The following TAFA5 variants were observed in gnomAD, a reference collection of about 807,000 sequenced individuals.
TAFA5 encodes the protein TAFA chemokine like family member 5.
A neutral mutation model predicts 15.3 loss-of-function variants in TAFA5; 6 were observed. The observed-to-expected ratio is 0.39, with a 90% CI of 0.21 to 0.77. The LOEUF (loss-of-function observed/expected upper bound fraction) is 0.77. Among genes scored for constraint, TAFA5 ranks in the 30% least tolerant of loss-of-function variants. The probability of loss-of-function intolerance (pLI) is 0.41; values close to 1 mark genes in which losing one functional copy is unlikely to be tolerated. For synonymous variants in TAFA5, 103 were observed against 80.7 expected (o/e 1.28, Z -1.48); for missense variants, 161 against 193.1 (o/e 0.83, Z 0.98).
At chr22:48,681,075 C>G (rs1369812368) in intron 2 of TAFA5, among the ~76,000 whole-genome samples, 2 of 152,230 alleles carry the variant, frequency 1.3e-5, no homozygotes, top group Non-Finnish European at 2.9e-5. Context: ...GTGGATTGCT[C>G]AGAATATTAG....
chr22:48,583,898 A>G, intron 1 of TAFA5, among the ~76,000 whole-genome samples: 1 of 150,302 alleles, frequency 6.7e-6, no homozygotes, highest in Non-Finnish European at 1.5e-5. Context: ...GCCACACACC[A>G]CACAAAATAA....
intron 3 of TAFA5, among the ~76,000 whole-genome samples, chr22:48,728,971 A>G (rs1411163368): frequency 6.6e-6 from 1 of 152,184 alleles, no homozygotes; most frequent in African/African-American, 2.4e-5. Flanking sequence ...GTTGTAGAGC[A>G]AAGGAAAAAT....
chr22:48,703,900 G>T (rs978385766), intron 2 of TAFA5, among the ~76,000 whole-genome samples: 3 of 152,256 alleles, frequency 2.0e-5, no homozygotes, highest in African/African-American at 7.2e-5. Flanking sequence ...ACTGGCCCGG[G>T]CAGATGCAGA....
chr22:48,660,879 G>A (rs1927414528), intron 2 of TAFA5, among the ~76,000 whole-genome samples: 1 of 152,126 alleles, frequency 6.6e-6, no homozygotes, highest in Non-Finnish European at 1.5e-5. Flanking sequence ...GGAGCACCCC[G>A]ATCCGTGCCT....
chr22:48,629,080 G>A (rs946361744), intron 1 of TAFA5, among the ~76,000 whole-genome samples: 8 of 152,136 alleles, frequency 5.3e-5, no homozygotes, highest in African/African-American at 1.2e-4. Flanking sequence ...CCCTGCCGGC[G>A]GCCTCCTGAA....
At chr22:48,687,869 G>A (rs918396393) in intron 2 of TAFA5, among the ~76,000 whole-genome samples, 4 of 152,114 alleles carry the variant, frequency 2.6e-5, no homozygotes, top group African/African-American at 9.7e-5. Context: ...TTAGCGCCTG[G>A]GACCTCCTGG....
In TAFA5 at chr22:48,526,055, C is replaced by G. The variant is rs535488283; in HGVS notation, c.112+36351C>G. On this transcript the variant is annotated intron_variant, in intron 1 of 3. Coordinates refer to ENST00000402357, the MANE Select transcript of TAFA5 (RefSeq NM_001082967.3). The stretch of plus-strand genomic sequence containing the variant: ...AGGTTTCACGGATCTCTGCACTCAT[C>G]CTTTCCTGGGTGGTCTCAGTCACTG... Among the ~76,000 whole-genome samples, 7 of 152,376 alleles carry G rather than the reference C, an allele frequency of 4.6e-5. No homozygotes were observed. In the East Asian group the frequency reaches 1.4e-3, roughly 29 times the overall value.
chr22:48,558,025 G>A (rs1256029189), intron 1 of TAFA5, among the ~76,000 whole-genome samples: 1 of 152,178 alleles, frequency 6.6e-6, no homozygotes, highest in Non-Finnish European at 1.5e-5. Flanking sequence ...TGAGGGGGGA[G>A]TGGTCTTGTT....
chr22:48,626,213 G>A (rs1012571177), intron 1 of TAFA5, among the ~76,000 whole-genome samples: 2 of 152,194 alleles, frequency 1.3e-5, no homozygotes, highest in African/African-American at 2.4e-5. Flanking sequence ...AAGTACCTAG[G>A]AGTGTGATTT....
chr22:48,684,175 G>A lies in TAFA5; in HGVS notation c.263-23542G>A, dbSNP rs16999712. Among the ~76,000 whole-genome samples the A allele has an allele frequency of 5.7e-3, 866 of 152,204 alleles. 7 individuals are homozygous for A. The highest frequency in any genetic ancestry group is 0.019 in the African/African-American group (790 of 41,500). On this transcript the variant is annotated intron_variant, in intron 2 of 3. Coordinates refer to ENST00000402357, the MANE Select transcript of TAFA5 (RefSeq NM_001082967.3). ...GTATTTTCTTGGGAGGGGAGTGAGC[G>A]TTCGGAAGCAGAAGTGCGTGGGGAT...
At chr22:48,511,086 A>G (rs776485300) in intron 1 of TAFA5, among the ~76,000 whole-genome samples, 10 of 152,220 alleles carry the variant, frequency 6.6e-5, no homozygotes, top group Non-Finnish European at 1.2e-4. Context: ...AGGACATTGC[A>G]TGACCCAGAA....
chr22:48,576,273 C>A, intron 1 of TAFA5: 2 of 824,924 alleles, frequency 2.4e-6, no homozygotes, highest in African/African-American at 1.8e-5. Flanking sequence ...CGGCGCCCCC[C>A]TCCCCCCGCC....
At chr22:48,729,636 T>C (rs1377604416) in intron 3 of TAFA5, among the ~76,000 whole-genome samples, 2 of 147,400 alleles carry the variant, frequency 1.4e-5, no homozygotes, top group Admixed American at 6.8e-5. Context: ...AAATTTTGTT[T>C]ATGTAATTTT....
chr22:48,588,235 C>T (rs868739077), intron 1 of TAFA5, among the ~76,000 whole-genome samples: 21 of 152,288 alleles, frequency 1.4e-4, no homozygotes, highest in Admixed American at 8.5e-4. Flanking sequence ...TGGCCATGAC[C>T]GCAGTGACTG....
At chr22:48,709,506 C>A (rs924301057) in intron 3 of TAFA5, among the ~76,000 whole-genome samples, 1 of 152,184 alleles carries the variant, frequency 6.6e-6, no homozygotes, top group Non-Finnish European at 1.5e-5. Flanking sequence ...CGCAGCCTTT[C>A]GTTTCCCTCA....
In TAFA5 at chr22:48,598,862, T is replaced by G. The variant is rs1460557701; in HGVS notation, c.113-47735T>G. Among the ~76,000 whole-genome samples the G allele has an allele frequency of 2.0e-5, 3 of 152,076 alleles. No homozygotes were observed. Among genetic ancestry groups the G allele is most frequent in the Admixed American group, 2.0e-4 (3 of 15,284 alleles). On this transcript the variant is annotated intron_variant, in intron 1 of 3. Transcript: ENST00000402357. The surrounding 1 kb of genome is among the most constrained non-coding windows in gnomAD (Gnocchi z 4.0). Reference sequence around the variant, plus strand: ...GTACCTGTATTTCCGACTGACTGAATATAAGTCAGGGGGTTTCCACCACCC... The same window carrying G: ...GTACCTGTATTTCCGACTGACTGAAGATAAGTCAGGGGGTTTCCACCACCC...
intron 1 of TAFA5, among the ~76,000 whole-genome samples, chr22:48,515,425 C>T (rs543577882): frequency 2.0e-5 from 3 of 152,268 alleles, no homozygotes; most frequent in East Asian, 3.9e-4. Flanking sequence ...GCAGGGGACC[C>T]TTCTCCTGGG....
chr22:48,494,304 G>T (rs1031781494), intron 1 of TAFA5, among the ~76,000 whole-genome samples: 2 of 152,200 alleles, frequency 1.3e-5, no homozygotes, highest in African/African-American at 4.8e-5. Context: ...ATTTAGAAGG[G>T]CTCCTTTTTG....
intron 2 of TAFA5, among the ~76,000 whole-genome samples, chr22:48,694,029 T>A (rs1347314134): frequency 6.6e-6 from 1 of 152,174 alleles, no homozygotes; most frequent in African/African-American, 2.4e-5. Context: ...TGGGCCCCTC[T>A]GAGGTCCCTG....
Sources: allele counts gnomAD v4.1 joint callset (sites outside exome capture counted in the v4.1 genomes callset), GRCh38; gene constraint gnomAD v4.1.1; non-coding constraint Gnocchi (gnomAD v3.1); transcripts MANE v1.5; gene names NCBI Gene and HGNC (gene_info 2026-07-23, HGNC 2026-07-21).